Variants in CACNA1C observed in about 807,000 individuals in gnomAD.
The protein encoded by CACNA1C is calcium voltage-gated channel subunit alpha1 C.
Under a neutral mutation model 229.0 loss-of-function variants are expected in CACNA1C, and 30 were observed. That is an observed-to-expected ratio of 0.13 (90% confidence interval 0.10 to 0.18). The LOEUF is 0.18. CACNA1C is among the 10% of genes least tolerant of loss of function. The pLI is 1.00. For synonymous variants in CACNA1C, 1,114 were observed against 1,132.5 expected, an observed-to-expected ratio of 0.98 and a Z score of 0.33; for missense variants, 1,658 against 2,845.0, an observed-to-expected ratio of 0.58 and a Z score of 9.49.
chr12:2,450,523 C>G (rs938857652), intron 4 of CACNA1C, among the ~76,000 whole-genome samples: 3 of 121,142 alleles, frequency 2.5e-5, no homozygotes, highest in East Asian at 5.1e-4. Flanking sequence ...CACTGCACTC[C>G]AGCCTGGGCA....
At chr12:2,636,605 T>G (rs1167472954) in intron 30 of CACNA1C, among the ~76,000 whole-genome samples, 1 of 152,166 alleles carries the variant, frequency 6.6e-6, no homozygotes, top group Admixed American at 6.5e-5. Context: ...GATGGAGAGA[T>G]TAAGTACCTT....
At chr12:1,995,952 A>G (rs868644728) in intron 1 of CACNA1C, among the ~76,000 whole-genome samples, 8 of 152,224 alleles carry the variant, frequency 5.3e-5, no homozygotes, top group Admixed American at 2.0e-4. Flanking sequence ...ACTTCAAAGT[A>G]AAATGAGGGC....
chr12:2,171,057 G>A (rs988003940), intron 3 of CACNA1C, among the ~76,000 whole-genome samples: 7 of 152,372 alleles, frequency 4.6e-5, no homozygotes, highest in South Asian at 2.1e-4. Context: ...GGCTTTTCAC[G>A]TGTGGGGCTG....
chr12:2,636,459 C>T (rs2153582609), intron 30 of CACNA1C, among the ~76,000 whole-genome samples: 1 of 152,326 alleles, frequency 6.6e-6, no homozygotes, highest in South Asian at 2.1e-4. Flanking sequence ...GGCCTGAACC[C>T]GTCCAGCAGC....
chr12:2,087,626 GA>G lies in CACNA1C; in HGVS notation c.50-27591del, dbSNP rs1180982425. Among the ~76,000 whole-genome samples the G allele has an allele frequency of 3.3e-5, 5 of 152,196 alleles. No individual in the cohort carries two copies. The East Asian group carries it at 9.7e-4, about 29-fold the overall frequency. On this transcript the variant is annotated intron_variant, in intron 1 of 46. Coordinates refer to ENST00000399655, the MANE Select transcript of CACNA1C (RefSeq NM_000719.7). ...GTGAGAATTTTAGGTAAGAGACAAA[GA>G]AAAAAATCATAAATTCCAGAATTTG...
chr12:2,493,153 G>A lies in CACNA1C; in HGVS notation c.917-37G>A. 1.9e-6 allele frequency: 3 copies of A among 1,573,420 alleles called. No homozygotes were observed. Among genetic ancestry groups the A allele is most frequent in the Non-Finnish European group, 2.6e-6 (3 of 1,143,926 alleles). On this transcript the variant is annotated intron_variant, in intron 6 of 46. Transcript: ENST00000399655. The surrounding 1 kb of genome is among the most constrained non-coding windows in gnomAD (Gnocchi z 4.6). ...TCTCTGCCCACATCTCTCCCTCCCT[G>A]CTGCTCCCGTCTCCTGTCTTCTTCT...
chr12:2,178,033 G>C (rs896782155), intron 3 of CACNA1C, among the ~76,000 whole-genome samples: 2 of 152,220 alleles, frequency 1.3e-5, no homozygotes, highest in African/African-American at 4.8e-5. Flanking sequence ...AGAAGGGCAG[G>C]CATCTCCAAA....
chr12:2,406,196 C>T (rs934117054), intron 3 of CACNA1C, among the ~76,000 whole-genome samples: 1 of 152,138 alleles, frequency 6.6e-6, no homozygotes, highest in Non-Finnish European at 1.5e-5. Context: ...TTTTCTTTGA[C>T]TTTGGTTTTC....
chr12:2,611,947 C>T lies in CACNA1C; in HGVS notation c.3762C>T (p.Leu1254=), dbSNP rs781762504. The part of the protein sequence containing the change: ...SCLFKIAMNI[L]NMLFTGLFTV... ...TGTTCAAAATCGCCATGAACATCCT[C>T]AACATGCTCTTCACTGGCCTCTTCA... Residue 1254 remains leucine, a synonymous_variant, in exon 29 of 47, where the codon CTC becomes CTT. Transcript: ENST00000399655. 57 of 1,613,746 alleles carry T rather than the reference C, an allele frequency of 3.5e-5. No homozygotes were observed. The highest frequency in any genetic ancestry group is 4.5e-5 in the Non-Finnish European group (53 of 1,179,780).
chr12:2,581,420 C>A (rs557072833), intron 13 of CACNA1C, among the ~76,000 whole-genome samples, 170 bp from the exon 14 acceptor site: 3 of 152,310 alleles, frequency 2.0e-5, no homozygotes, highest in East Asian at 3.9e-4. Context: ...AATTAACTCC[C>A]TCCAGGGTGG....
chr12:2,053,540 C>T lies in CACNA1C; in HGVS notation c.-23C>T. ...TTTCTTCCTCTTCGTGGCTGCTCCT[C>T]CTATTAAAACCATTTTTGGTCCATG... On this transcript the variant is annotated 5_prime_UTR_variant, in exon 1 of 47. Coordinates refer to ENST00000399655, the MANE Select transcript of CACNA1C (RefSeq NM_000719.7). This position sits in a 1 kb window ranked among gnomAD's most constrained non-coding sequence, Gnocchi z 5.8. 1 of 1,579,246 alleles carries T rather than the reference C, an allele frequency of 6.3e-7. No homozygotes were observed. The highest frequency in any genetic ancestry group is 8.6e-7 in the Non-Finnish European group (1 of 1,162,472).
At chr12:2,533,008 C>T (rs1416614871) in intron 9 of CACNA1C, among the ~76,000 whole-genome samples, 1 of 152,138 alleles carries the variant, frequency 6.6e-6, no homozygotes, top group African/African-American at 2.4e-5. Flanking sequence ...CCCAACAAGC[C>T]CAGCTCTCCT....
rs567296374 is a variant in CACNA1C at position 2,415,382 on chromosome 12, C to T, written c.478-33594C>T. Among the ~76,000 whole-genome samples, 28 of 152,272 alleles carry T rather than the reference C, an allele frequency of 1.8e-4. No homozygotes were observed. In the South Asian group the frequency reaches 2.9e-3, roughly 16 times the overall value. ...CCGGTACACTGACTTCCAAGCCTCC[C>T]GTGGAGGCCGCGCAGCGCCCCTGTA... On this transcript the variant is annotated intron_variant, in intron 3 of 46. Transcript: ENST00000399655.
At chr12:2,576,316 G>A (rs1010125763) in intron 13 of CACNA1C, among the ~76,000 whole-genome samples, 13 of 152,184 alleles carry the variant, frequency 8.5e-5, no homozygotes, top group African/African-American at 1.7e-4. Flanking sequence ...CAGAGTGTCT[G>A]GGGGGTGATC....
At chr12:1,973,758 T>C (rs2033323831) in intron 1 of CACNA1C, among the ~76,000 whole-genome samples, 1 of 152,214 alleles carries the variant, frequency 6.6e-6, no homozygotes, top group South Asian at 2.1e-4. Flanking sequence ...GAAAAGTCCA[T>C]AGTTTACAAC....
chr12:2,101,695 C>A (rs2076476289), intron 1 of CACNA1C, among the ~76,000 whole-genome samples: 1 of 152,130 alleles, frequency 6.6e-6, no homozygotes, highest in Non-Finnish European at 1.5e-5. Context: ...GGTGCCCGCC[C>A]AGTTCAGTGG....
intron 3 of CACNA1C, among the ~76,000 whole-genome samples, chr12:2,225,340 A>G (rs1263131887): frequency 6.6e-6 from 1 of 152,252 alleles, no homozygotes; most frequent in African/African-American, 2.4e-5. Flanking sequence ...AAAGAGAGCA[A>G]TAATTCAAAT....
chr12:2,469,862 C>A (rs2099581367), intron 5 of CACNA1C, among the ~76,000 whole-genome samples: 1 of 152,154 alleles, frequency 6.6e-6, no homozygotes, highest in Non-Finnish European at 1.5e-5. Flanking sequence ...GTTAGACTTA[C>A]CTTCTATGGT....
intron 4 of CACNA1C, among the ~76,000 whole-genome samples, chr12:2,453,326 G>A (rs953968811): frequency 2.0e-5 from 3 of 152,046 alleles, no homozygotes; most frequent in Non-Finnish European, 4.4e-5. Flanking sequence ...AGATACCTGG[G>A]GCATAAGTCA....
Sources: gnomAD v4.1 joint callset for allele counts (sites outside exome capture counted in the v4.1 genomes callset) on GRCh38, gnomAD v4.1.1 for gene constraint, Gnocchi (gnomAD v3.1) non-coding constraint, MANE v1.5 for transcripts, NCBI Gene and HGNC (gene_info 2026-07-23, HGNC 2026-07-21) for gene names.